Variants in TBCK observed in about 807,000 individuals in gnomAD.
TBCK encodes the protein TBC1 domain containing kinase.
A neutral mutation model predicts 113.4 loss-of-function variants in TBCK; 99 were observed. That is an observed-to-expected ratio of 0.87 (90% CI 0.74 to 1.03). The LOEUF is 1.03. Ranked by LOEUF, TBCK falls within the 50% of genes least tolerant of loss-of-function variation. TBCK has a pLI of 0.00. For missense variants in TBCK, 1,045 were observed against 1,061.3 expected, an observed-to-expected ratio of 0.98 and a Z score of 0.21; for synonymous variants, 369 against 370.8, an observed-to-expected ratio of 1.00 and a Z score of 0.05.
At chr4:106,234,177 G>A (rs1388601784) in intron 15 of TBCK, among the ~76,000 whole-genome samples, 1 of 151,992 alleles carries the variant, frequency 6.6e-6, no homozygotes, top group East Asian at 1.9e-4. Flanking sequence ...AGGAAGTAGG[G>A]TTCAAACTCC....
At chr4:106,240,613 C>T (rs546412677) in intron 12 of TBCK, among the ~76,000 whole-genome samples, 4 of 151,952 alleles carry the variant, frequency 2.6e-5, no homozygotes, top group African/African-American at 4.8e-5. Context: ...AGATTTGGTA[C>T]ATTTTACTAC....
At chr4:106,228,910 T>C (rs1315259183) in intron 19 of TBCK, among the ~76,000 whole-genome samples, 2 of 152,084 alleles carry the variant, frequency 1.3e-5, no homozygotes, top group South Asian at 4.1e-4. Flanking sequence ...GCATTTGTTA[T>C]TGCCTATCTT....
intron 3 of TBCK, among the ~76,000 whole-genome samples, chr4:106,266,153 A>T (rs1369702520): frequency 6.6e-6 from 1 of 151,894 alleles, no homozygotes; most frequent in Non-Finnish European, 1.5e-5. Flanking sequence ...AGAGGCAAAG[A>T]TTTTATGTAA....
chr4:106,077,475 T>C (rs1053938840), intron 25 of TBCK, among the ~76,000 whole-genome samples: 1 of 152,168 alleles, frequency 6.6e-6, no homozygotes, highest in East Asian at 1.9e-4. Context: ...TGGAGAAAGA[T>C]TGATTAGGTA....
chr4:106,288,372 C>A (rs139486041), intron 3 of TBCK, among the ~76,000 whole-genome samples: 1 of 151,122 alleles, frequency 6.6e-6, no homozygotes, highest in African/African-American at 2.4e-5. Flanking sequence ...CCAGCCGGGG[C>A]GACAAAGCGA....
chr4:106,284,472 C>G (rs901417203), intron 3 of TBCK, among the ~76,000 whole-genome samples: 1 of 152,042 alleles, frequency 6.6e-6, no homozygotes, highest in Admixed American at 6.6e-5. Context: ...AGTCTGCTTC[C>G]CATCAAAGTC....
At chr4:106,163,792 A>G (rs1750066651) in intron 23 of TBCK, among the ~76,000 whole-genome samples, 1 of 152,144 alleles carries the variant, frequency 6.6e-6, no homozygotes, top group South Asian at 2.1e-4. Context: ...GGGAATTACT[A>G]CAATTCAAGA....
intron 3 of TBCK, among the ~76,000 whole-genome samples, chr4:106,292,347 G>A (rs1426492834): frequency 6.6e-6 from 1 of 152,024 alleles, no homozygotes; most frequent in Non-Finnish European, 1.5e-5. Flanking sequence ...TGAGGTGCGT[G>A]GATCATGAGG....
At chr4:106,125,299 A>G (rs1745056884) in intron 23 of TBCK, among the ~76,000 whole-genome samples, 2 of 152,216 alleles carry the variant, frequency 1.3e-5, no homozygotes, top group African/African-American at 4.8e-5. Flanking sequence ...GCTATTCACA[A>G]TAGCCAAGAT....
At chr4:106,296,033 T>C (rs1226449072) in intron 2 of TBCK, among the ~76,000 whole-genome samples, 3 of 152,142 alleles carry the variant, frequency 2.0e-5, no homozygotes, top group Non-Finnish European at 4.4e-5. Context: ...GATTAAATAT[T>C]ATAAAACAGT....
intron 22 of TBCK, among the ~76,000 whole-genome samples, chr4:106,176,467 G>A (rs1751680422): frequency 6.6e-6 from 1 of 152,004 alleles, no homozygotes; most frequent in Admixed American, 6.6e-5. Flanking sequence ...TTCACTTAAT[G>A]TGATGACCTC....
chr4:106,267,034 T>C (rs1414313678), intron 3 of TBCK, among the ~76,000 whole-genome samples: 5 of 151,920 alleles, frequency 3.3e-5, no homozygotes, highest in Non-Finnish European at 7.4e-5. Flanking sequence ...CAGGGGACAA[T>C]GGGACTTTAT....
intron 12 of TBCK, among the ~76,000 whole-genome samples, chr4:106,239,191 T>C (rs1034850747): frequency 1.3e-5 from 2 of 152,002 alleles, no homozygotes; most frequent in African/African-American, 4.8e-5. Context: ...CACTCTAGTC[T>C]TTGATGTAGG....
intron 5 of TBCK, among the ~76,000 whole-genome samples, chr4:106,254,098 G>C (rs1761721348): frequency 6.6e-6 from 1 of 151,354 alleles, no homozygotes; most frequent in African/African-American, 2.4e-5. Context: ...TTCCAATCTT[G>C]AAGAACAAAT....
At position 106,149,911 on chromosome 4, in the gene TBCK, A is replaced by G. The variant is rs144039376; in HGVS notation, c.2235+21184T>C. Among the ~76,000 whole-genome samples, 4 of 152,350 alleles carry G rather than the reference A, an allele frequency of 2.6e-5. No homozygotes were observed. The East Asian group carries it at 7.7e-4, about 29-fold the overall frequency. ...TCTTCTAAGTTGAAGTAATGGGTTT[A>G]CCTTTTACTGATTTCAAGAAAGAAA... On this transcript the variant is annotated intron_variant, in intron 23 of 25. Coordinates refer to ENST00000394708, the MANE Select transcript of TBCK (RefSeq NM_001163435.3).
At chr4:106,066,565 T>G (rs1736664028) in intron 25 of TBCK, among the ~76,000 whole-genome samples, 1 of 152,008 alleles carries the variant, frequency 6.6e-6, no homozygotes, top group African/African-American at 2.4e-5. Flanking sequence ...CATTTTTAAG[T>G]GTAGAATTCA....
chr4:106,087,887 GC>G (rs1375960007), intron 25 of TBCK, among the ~76,000 whole-genome samples: 1 of 152,206 alleles, frequency 6.6e-6, no homozygotes, highest in African/African-American at 2.4e-5. Context: ...GGGAAGACTG[GC>G]TAGCCATATG....
chr4:106,245,095 G>A lies in TBCK; in HGVS notation c.932-331C>T, dbSNP rs1003426606. ...TTCATGAGCAGTGCCTCAGGAACCAGTGCCAAGTTTGGAAAACCTAAACTG... is the reference window on the plus strand; with the variant it reads ...TTCATGAGCAGTGCCTCAGGAACCAATGCCAAGTTTGGAAAACCTAAACTG... On this transcript the variant is annotated intron_variant, in intron 10 of 25. Coordinates refer to ENST00000394708, the MANE Select transcript of TBCK (RefSeq NM_001163435.3). Among the ~76,000 whole-genome samples the A allele has an allele frequency of 4.6e-5, 7 of 152,280 alleles. 1 individual carries two copies. The highest frequency in any genetic ancestry group is 1.5e-5 in the Non-Finnish European group (1 of 68,020).
intron 19 of TBCK, among the ~76,000 whole-genome samples, chr4:106,229,515 A>C (rs993609032): frequency 1.3e-5 from 2 of 151,902 alleles, no homozygotes; most frequent in African/African-American, 2.4e-5. Context: ...AGAACAGTGA[A>C]TGTTCTTGAC....
Sources: gnomAD v4.1 joint callset for allele counts (sites outside exome capture counted in the v4.1 genomes callset) on GRCh38, gnomAD v4.1.1 for gene constraint, MANE v1.5 for transcripts, NCBI Gene and HGNC (gene_info 2026-07-23, HGNC 2026-07-21) for gene names.